NOL10: variants seen among roughly 807,000 people sequenced by gnomAD.
NOL10 encodes nucleolar protein 10.
A neutral mutation model predicts 103.5 loss-of-function variants in NOL10; 58 were observed. The ratio of observed to expected loss-of-function variants is 0.56; its 90% CI spans 0.45 to 0.70. NOL10 has a LOEUF of 0.70. NOL10 is among the 30% of genes least tolerant of loss of function. The pLI, the probability that NOL10 is intolerant of heterozygous loss-of-function variation, is 0.00. For synonymous variants in NOL10, 287 were observed against 282.5 expected, an observed-to-expected ratio of 1.02 and a Z score of -0.16; for missense variants, 763 against 807.3, an observed-to-expected ratio of 0.95 and a Z score of 0.67.
chr2:10,610,725 C>T (rs892931388), intron 13 of NOL10, among the ~76,000 whole-genome samples: 2 of 152,178 alleles, frequency 1.3e-5, no homozygotes, highest in Admixed American at 1.3e-4. Flanking sequence ...ATCACAGCGT[C>T]AATGTGTAAA....
intron 19 of NOL10, among the ~76,000 whole-genome samples, chr2:10,585,589 A>AT (rs1327209330): frequency 6.6e-6 from 1 of 152,234 alleles, no homozygotes; most frequent in Non-Finnish European, 1.5e-5. Context: ...ATACACTGGA[A>AT]TATTACTTGG....
At chr2:10,670,693 C>T (rs1434058055) in intron 6 of NOL10, among the ~76,000 whole-genome samples, 1 of 152,086 alleles carries the variant, frequency 6.6e-6, no homozygotes, top group South Asian at 2.1e-4. Flanking sequence ...CAAGATCGTA[C>T]CACTGCACTG....
intron 12 of NOL10, among the ~76,000 whole-genome samples, chr2:10,646,585 TAACAGGCAGA>T (rs1462473849): frequency 6.6e-6 from 1 of 152,204 alleles, no homozygotes; most frequent in Non-Finnish European, 1.5e-5. Flanking sequence ...GAGCAGCTTC[TAACAGGCAGA>T]AACAGAAAAA....
chr2:10,606,872 G>GA (rs909521415), intron 14 of NOL10, among the ~76,000 whole-genome samples: 86 of 150,482 alleles, frequency 5.7e-4, no homozygotes, highest in African/African-American at 8.5e-4. Flanking sequence ...TAATACTGGT[G>GA]AAAAAAAAAT....
intron 4 of NOL10, 147 bp from the exon 5 acceptor site, chr2:10,673,704 C>G: frequency 1.9e-6 from 1 of 538,084 alleles, no homozygotes; most frequent in Non-Finnish European, 3.3e-6. Flanking sequence ...AGAAAATTGT[C>G]ATAGTATATT....
intron 14 of NOL10, among the ~76,000 whole-genome samples, chr2:10,605,592 CCTT>C (rs1054053566): frequency 5.3e-4 from 81 of 152,088 alleles, no homozygotes; most frequent in African/African-American, 1.9e-3. Flanking sequence ...TTATATAACT[CCTT>C]TTTTCACCCA....
intron 8 of NOL10, among the ~76,000 whole-genome samples, chr2:10,664,890 AC>A (rs1475845800): frequency 6.6e-6 from 1 of 151,850 alleles, no homozygotes; most frequent in Non-Finnish European, 1.5e-5. Context: ...GAGAGGATAC[AC>A]AGCAAATTAT....
chr2:10,679,880 C>CA (rs1460726445), intron 3 of NOL10, among the ~76,000 whole-genome samples: 1 of 152,176 alleles, frequency 6.6e-6, no homozygotes. Context: ...CTCAGCCTCC[C>CA]AAAGTGCTGG....
chr2:10,659,104 T>C (rs1680018552), intron 10 of NOL10, 68 bp downstream of exon 10: 2 of 1,045,406 alleles, frequency 1.9e-6, no homozygotes, highest in Non-Finnish European at 2.9e-6. Context: ...GCAGTGTATT[T>C]CTCATGACAC....
rs529906876 is a variant in NOL10 at position 10,680,208 on chromosome 2, C to T, written c.211+1763G>A. Among the ~76,000 whole-genome samples, 13 of 151,786 alleles carry T rather than the reference C, an allele frequency of 8.6e-5. No homozygotes were observed. In the East Asian group the frequency reaches 2.5e-3, roughly 30 times the overall value. ...AGGAGAATCGCTTGAACCCGGAAGGCGGAGGTTGCAGTCAGCCAAAATCAT... is the reference window on the plus strand; with the variant it reads ...AGGAGAATCGCTTGAACCCGGAAGGTGGAGGTTGCAGTCAGCCAAAATCAT... On this transcript the variant is annotated intron_variant, in intron 3 of 20. Coordinates refer to ENST00000381685, the MANE Select transcript of NOL10 (RefSeq NM_024894.4).
intron 17 of NOL10, 144 bp from the exon 18 acceptor site, chr2:10,589,895 C>CTGGA: frequency 2.0e-6 from 1 of 488,570 alleles, no homozygotes; most frequent in Non-Finnish European, 3.4e-6. Context: ...AAATTTCTTC[C>CTGGA]AGGACTTTCA....
chr2:10,653,181 C>G (rs1007953507), intron 12 of NOL10, among the ~76,000 whole-genome samples: 1 of 146,548 alleles, frequency 6.8e-6, no homozygotes, highest in South Asian at 2.2e-4. Flanking sequence ...GGTGACAGAG[C>G]GAGACTCCAA....
In NOL10 at chr2:10,684,729, T is replaced by A; in HGVS notation, c.67-117A>T. 1.0e-5 allele frequency: 7 copies of A among 690,496 alleles called. No homozygotes were observed. In the Admixed American group the frequency reaches 1.5e-4, roughly 14 times the overall value. The allele number at this position is 690,496 out of a possible 1,614,324, so 42.8% of individuals were successfully genotyped here. ...TCAAACTTCATAGGAATATATAACA[T>A]AGGAAGCAAAAAATATTCTCTAATC... On this transcript the variant is annotated intron_variant, in intron 1 of 20. Coordinates refer to ENST00000381685, the MANE Select transcript of NOL10 (RefSeq NM_024894.4).
chr2:10,575,649 C>A (rs1321151752), intron 20 of NOL10, among the ~76,000 whole-genome samples: 2 of 152,096 alleles, frequency 1.3e-5, no homozygotes, highest in Non-Finnish European at 2.9e-5. Flanking sequence ...TCAGTACCTC[C>A]CGATTTAGAA....
Position 10,659,227 on chromosome 2 carries a change from G to C in NOL10, c.701C>G (p.Ser234Cys). Residue 234 changes from serine to cysteine, a missense_variant, in exon 10 of 21, where the codon TCT (serine) becomes TGT (cysteine). Transcript: ENST00000381685. ...CAAGGCACCATTAAATTTCAAAGCA[G>C]AGATTGTTGGTAAACTGTTTATCCT... ...DSEINSLPTI[S>C]ALKFNGALTM... 6.2e-7 allele frequency: 1 copy of C among 1,600,700 alleles called. No homozygotes were observed. Among genetic ancestry groups the C allele is most frequent in the Non-Finnish European group, 8.5e-7 (1 of 1,173,152 alleles).
intron 3 of NOL10, among the ~76,000 whole-genome samples, chr2:10,677,839 TTG>T (rs58970211): frequency 0.071 from 10,331 of 146,148 alleles, 450 homozygotes; most frequent in African/African-American, 0.12. Flanking sequence ...TTTAATACAT[TTG>T]TGTGTGTGTG....
At chr2:10,676,979 C>T (rs1681352631) in intron 3 of NOL10, among the ~76,000 whole-genome samples, 1 of 149,926 alleles carries the variant, frequency 6.7e-6, no homozygotes, top group Non-Finnish European at 1.5e-5. Flanking sequence ...TGCTCTGTCG[C>T]CCAGGCTGGA....
At chr2:10,613,727 A>C (rs1676690864) in intron 13 of NOL10, among the ~76,000 whole-genome samples, 2 of 152,324 alleles carry the variant, frequency 1.3e-5, no homozygotes, top group African/African-American at 2.4e-5. Context: ...AACAGGTAAG[A>C]ACTACATTTA....
At chr2:10,602,166 G>A (rs6716761) in intron 16 of NOL10, among the ~76,000 whole-genome samples, 4,936 of 152,290 alleles carry the variant, frequency 0.032, 275 homozygotes, top group African/African-American at 0.11. Flanking sequence ...CCTGGAACCG[G>A]CCTGTGGCCC....
Sources: gnomAD v4.1 joint callset for allele counts (sites outside exome capture counted in the v4.1 genomes callset) on GRCh38, gnomAD v4.1.1 for gene constraint, MANE v1.5 for transcripts, NCBI Gene and HGNC (gene_info 2026-07-23, HGNC 2026-07-21) for gene names.